Variants in LRSAM1 observed in about 807,000 individuals in gnomAD.
The protein encoded by LRSAM1 is leucine rich repeat and sterile alpha motif containing 1.
Under a neutral mutation model 118.1 loss-of-function variants are expected in LRSAM1, and 96 were observed. That is an observed-to-expected ratio of 0.81 (90% CI 0.69 to 0.96). LRSAM1 has a LOEUF of 0.96. LRSAM1 is among the 40% of genes least tolerant of loss of function. The probability of loss-of-function intolerance (pLI) is 0.00; values close to 1 mark genes in which losing one functional copy is unlikely to be tolerated. For synonymous variants in LRSAM1, 322 were observed against 364.2 expected (o/e 0.88, Z 1.32); for missense variants, 804 against 915.5 (o/e 0.88, Z 1.57).
chr9:127,466,511 T>C (rs867482819), intron 9 of LRSAM1, among the ~76,000 whole-genome samples: 3 of 80,676 alleles, frequency 3.7e-5, no homozygotes, highest in African/African-American at 1.9e-4. Context: ...TATATTTTTT[T>C]TTTTTTTTTT....
At chr9:127,502,345 A>G (rs1836421671) in intron 25 of LRSAM1, among the ~76,000 whole-genome samples, 1 of 152,196 alleles carries the variant, frequency 6.6e-6, no homozygotes, top group African/African-American at 2.4e-5. Flanking sequence ...TGGTGGTCAA[A>G]TGCCCGAAGG....
chr9:127,472,698 T>C (rs965891083), intron 10 of LRSAM1, among the ~76,000 whole-genome samples: 4 of 152,144 alleles, frequency 2.6e-5, no homozygotes, highest in African/African-American at 4.8e-5. Context: ...ATAAAAGGTA[T>C]CATATGATGT....
Position 127,502,762 on chromosome 9 carries a change from C to G in LRSAM1, c.2047-12C>G, listed in dbSNP as rs1290564556. 4 of 1,609,978 alleles carry G rather than the reference C, an allele frequency of 2.5e-6. No individual in the cohort carries two copies. The highest frequency in any genetic ancestry group is 1.8e-4 in the Middle Eastern group (1 of 5,630). ...GTAGGGCCAGCCACATGCTCCCGCT[C>G]TCCCTCCCCAGGCCCAGATGATCTT... On this transcript the variant is annotated splice_polypyrimidine_tract_variant and intron_variant, in intron 25 of 25. Transcript: ENST00000300417.
chr9:127,479,420 G>A lies in LRSAM1; in HGVS notation c.818G>A (p.Arg273His), dbSNP rs368088593. The A allele has an allele frequency of 8.7e-6, 14 of 1,614,130 alleles. No homozygotes were observed. Among genetic ancestry groups the A allele is most frequent in the South Asian group, 2.2e-5 (2 of 91,082 alleles). ...KMLEKLEFERRLELGQREHTQ... is the reference protein window; with the variant it reads ...KMLEKLEFERHLELGQREHTQ... Reference sequence around the variant, plus strand: ...CTGGAGAAACTCGAGTTTGAACGGCGCCTGGAACTGGGGCAGCGGGAGCAC... The same window carrying A: ...CTGGAGAAACTCGAGTTTGAACGGCACCTGGAACTGGGGCAGCGGGAGCAC... Residue 273 changes from arginine to histidine, a missense_variant, in exon 13 of 26, where the codon CGC becomes CAC. By Grantham distance (29) the Arg-to-His change is conservative (BLOSUM62 0). Coordinates refer to ENST00000300417, the MANE Select transcript of LRSAM1 (RefSeq NM_001005373.4).
chr9:127,482,213 G>A (rs1197268035), intron 15 of LRSAM1, among the ~76,000 whole-genome samples: 3 of 149,692 alleles, frequency 2.0e-5, no homozygotes, highest in Non-Finnish European at 4.4e-5. Flanking sequence ...CACGATCTCG[G>A]CTCACTGCAA....
At chr9:127,487,546 C>G (rs1588128609) in intron 17 of LRSAM1, 130 bp from the exon 18 acceptor site, 1 of 818,544 alleles carries the variant, frequency 1.2e-6, no homozygotes, top group Admixed American at 2.0e-5. Flanking sequence ...GGGCCCGGCT[C>G]CCAGCAGGTA....
intron 2 of LRSAM1, 40 bp from the exon 3 acceptor site, chr9:127,454,456 G>C: frequency 6.5e-7 from 1 of 1,540,764 alleles, no homozygotes; most frequent in South Asian, 1.1e-5. Flanking sequence ...TGGGGGCTGT[G>C]ACAAATTCCC....
At chr9:127,495,629 G>T (rs1836103572) in intron 22 of LRSAM1, among the ~76,000 whole-genome samples, 1 of 152,214 alleles carries the variant, frequency 6.6e-6, no homozygotes, top group Non-Finnish European at 1.5e-5. Context: ...TCACTGCTGT[G>T]CAGGGCAGAG....
In LRSAM1 at chr9:127,487,682, C is replaced by G; in HGVS notation, c.1266C>G (p.Ala422=). 2 of 1,613,444 alleles carry G rather than the reference C, an allele frequency of 1.2e-6. No individual in the cohort carries two copies. Among genetic ancestry groups the G allele is most frequent in the Non-Finnish European group, 1.7e-6 (2 of 1,179,778 alleles). The change falls in exon 18 of 26, where the codon GCC becomes GCG. Residue 422 remains alanine, a synonymous_variant. Coordinates refer to ENST00000300417, the MANE Select transcript of LRSAM1 (RefSeq NM_001005373.4). Reference sequence around the variant, plus strand: ...TTTGCTGTCTTTCTGGCAGCATGGCCGAAATGGATGAACGATTCCAGCAGA... The same window carrying G: ...TTTGCTGTCTTTCTGGCAGCATGGCGGAAATGGATGAACGATTCCAGCAGA... ...NLVQQACSSM[A]EMDERFQQIL...
chr9:127,491,154 G>T, intron 19 of LRSAM1, 61 bp from the exon 20 acceptor site: 1 of 1,404,502 alleles, frequency 7.1e-7, no homozygotes, highest in Non-Finnish European at 1.0e-6. Context: ...GAGAGTAGCA[G>T]CACAAAACTG....
At chr9:127,491,867 T>G (rs997986441) in intron 20 of LRSAM1, among the ~76,000 whole-genome samples, 2 of 152,134 alleles carry the variant, frequency 1.3e-5, no homozygotes, top group Admixed American at 1.3e-4. Flanking sequence ...CTGTGCAACT[T>G]TGGCAGGTGG....
At chr9:127,462,771 G>A (rs535513300) in intron 9 of LRSAM1, among the ~76,000 whole-genome samples, 4 of 151,674 alleles carry the variant, frequency 2.6e-5, no homozygotes, top group South Asian at 2.1e-4. Flanking sequence ...GCAAACCACC[G>A]TGGCACATGT....
intron 25 of LRSAM1, among the ~76,000 whole-genome samples, chr9:127,502,141 G>A (rs143604391): frequency 5.3e-5 from 8 of 152,380 alleles, no homozygotes; most frequent in Non-Finnish European, 7.3e-5. Context: ...CGTGCCCTCC[G>A]GCAGGGGCCG....
At chr9:127,458,637 AG>A (rs997134646) in intron 6 of LRSAM1, among the ~76,000 whole-genome samples, 1 of 152,160 alleles carries the variant, frequency 6.6e-6, no homozygotes, top group Non-Finnish European at 1.5e-5. Flanking sequence ...AGTTAAGCAA[AG>A]GGGGAAACAT....
At chr9:127,471,504 G>A (rs1349683817) in intron 10 of LRSAM1, among the ~76,000 whole-genome samples, 1 of 144,078 alleles carries the variant, frequency 6.9e-6, no homozygotes, top group Non-Finnish European at 1.5e-5. Context: ...AAAAGATTTT[G>A]GGCTGGGCGC....
chr9:127,472,074 G>A lies in LRSAM1; in HGVS notation c.620-1727G>A, dbSNP rs1385512790. On this transcript the variant is annotated intron_variant, in intron 10 of 25. Coordinates refer to ENST00000300417, the MANE Select transcript of LRSAM1 (RefSeq NM_001005373.4). ...CCTCCTGGGTTCAAGCGATTCTCCT[G>A]CCTCAGCCTCCTGAGTAGCTGGGAT... 2.7e-5 allele frequency among the ~76,000 whole-genome samples: 4 copies of A among 150,152 alleles called. No homozygotes were observed. In the East Asian group the frequency reaches 8.3e-4, roughly 31 times the overall value.
chr9:127,487,205 C>G (rs1341487411), intron 17 of LRSAM1, among the ~76,000 whole-genome samples: 1 of 150,396 alleles, frequency 6.6e-6, no homozygotes, highest in East Asian at 1.9e-4. Flanking sequence ...AAAAAACAAC[C>G]AAGATGGTGC....
At chr9:127,469,834 GGGC>G (rs1588110497) in intron 10 of LRSAM1, among the ~76,000 whole-genome samples, 1 of 151,798 alleles carries the variant, frequency 6.6e-6, no homozygotes, top group Non-Finnish European at 1.5e-5. Flanking sequence ...GCGTGGTGGC[GGGC>G]GCCTGTAGTC....
rs1183629673 is a variant in LRSAM1 at position 127,496,018 on chromosome 9, C to G, written c.1753C>G (p.His585Asp). 18 of 1,612,760 alleles carry G rather than the reference C, an allele frequency of 1.1e-5. No homozygotes were observed. Among genetic ancestry groups the G allele is most frequent in the Non-Finnish European group, 1.2e-5 (14 of 1,179,974 alleles). Reference sequence around the variant, plus strand: ...CCTCCTGGAGGAGCTGTCGGCTGAGCACTACCTGCCCATCTTTGCGCACCA... The same window carrying G: ...CCTCCTGGAGGAGCTGTCGGCTGAGGACTACCTGCCCATCTTTGCGCACCA... ...VALLEELSAE[H>D]YLPIFAHHRL... is the part of the protein sequence containing the mutation. The change falls in exon 23 of 26, where the codon CAC becomes GAC. Residue 585 changes from histidine to aspartate, a missense_variant. Physicochemically the swap from His to Asp is moderately conservative, Grantham distance 81. Transcript: ENST00000300417.
Sources: gnomAD v4.1 joint callset for allele counts (sites outside exome capture counted in the v4.1 genomes callset) on GRCh38, gnomAD v4.1.1 for gene constraint, MANE v1.5 for transcripts, NCBI Gene and HGNC (gene_info 2026-07-23, HGNC 2026-07-21) for gene names.